Variants in TSC2 observed in about 807,000 individuals in gnomAD.
The protein encoded by TSC2 is TSC complex subunit 2, also known as tuberin.
TSC2 carries 29 observed loss-of-function variants against 202.2 expected under a neutral mutation model. The observed-to-expected ratio is 0.14, with a 90% CI of 0.11 to 0.20. TSC2 has a LOEUF of 0.20. TSC2 is among the 10% of genes least tolerant of loss of function. The pLI, the probability that TSC2 is intolerant of heterozygous loss-of-function variation, is 1.00. For synonymous variants in TSC2, 1,349 were observed against 1,044.0 expected, an observed-to-expected ratio of 1.29 and a Z score of -5.63; for missense variants, 2,429 against 2,420.0, an observed-to-expected ratio of 1.00 and a Z score of -0.08.
In TSC2 at chr16:2,088,927, C is replaced by T; in HGVS notation, c.*317C>T. On this transcript the variant is annotated 3_prime_UTR_variant, in exon 42 of 42. Coordinates refer to ENST00000219476, the MANE Select transcript of TSC2 (RefSeq NM_000548.5). The stretch of plus-strand genomic sequence containing the variant: ...CACCTTCCTCCACCCTGGGAGCCAG[C>T]CCCCAGGAGGAGTCTTTTCCTCTAA... 5.2e-6 allele frequency: 2 copies of T among 385,872 alleles called. No homozygotes were observed. The allele number at this position is 385,872 out of a possible 1,614,324, so 23.9% of individuals were successfully genotyped here.
rs765436350 is a variant in TSC2 at position 2,079,572 on chromosome 16, G to A, written c.3300G>A (p.Val1100=). Residue 1100 remains valine, a synonymous_variant, in exon 29 of 42, where the codon GTG becomes GTA. Transcript: ENST00000219476. The surrounding 1 kb of genome is among the most constrained non-coding windows in gnomAD (Gnocchi z 4.6). ...CTCTTCTCAGCTCCAGCCCCGGGGT[G>A]CATGTGAGACAGACCAAGGAGGCGC... The part of the protein sequence containing the change: ...SGPESSSSPG[V]HVRQTKEAPA... The A allele has an allele frequency of 1.2e-6, 2 of 1,611,234 alleles. No individual in the cohort carries two copies. Among genetic ancestry groups the A allele is most frequent in the Non-Finnish European group, 1.7e-6 (2 of 1,179,372 alleles).
At chr16:2,052,120 G>T (rs928629093) in intron 3 of TSC2, among the ~76,000 whole-genome samples, 2 of 152,026 alleles carry the variant, frequency 1.3e-5, no homozygotes, top group Non-Finnish European at 2.9e-5. Context: ...GTTTGTGTGG[G>T]TACGGGGCAG....
chr16:2,088,790 C>A lies in TSC2; in HGVS notation c.*180C>A. 1 of 827,554 alleles carries A rather than the reference C, an allele frequency of 1.2e-6. No individual in the cohort carries two copies. Among genetic ancestry groups the A allele is most frequent in the Non-Finnish European group, 1.8e-6 (1 of 542,158 alleles). The allele number at this position is 827,554 out of a possible 1,614,324, so 51.3% of individuals were successfully genotyped here. A position where few individuals can be genotyped will look rare whatever the true frequency, so the allele number is the denominator to read the frequency against. ...TGTCGAGGCTCTAGAAGCGGCCATG[C>A]CCACAGAAGTGGTACACAGAAGCAG... On this transcript the variant is annotated 3_prime_UTR_variant, in exon 42 of 42. Coordinates refer to ENST00000219476, the MANE Select transcript of TSC2 (RefSeq NM_000548.5).
chr16:2,055,358 T>TGTA, intron 5 of TSC2, 44 bp from the exon 6 acceptor site: 1 of 1,495,340 alleles, frequency 6.7e-7, no homozygotes, highest in Non-Finnish European at 9.3e-7. Context: ...GAGTGGGAGA[T>TGTA]GTAGATTCGG....
intron 22 of TSC2, among the ~76,000 whole-genome samples, 159 bp from the exon 23 acceptor site, chr16:2,075,640 C>G (rs574469864): frequency 2.4e-4 from 37 of 152,126 alleles, no homozygotes; most frequent in African/African-American, 8.4e-4. Context: ...GCCATGGGAC[C>G]GAGAGTTGAG....
In TSC2 at chr16:2,088,215, C is replaced by G. The variant is rs1555440351; in HGVS notation, c.5161-12C>G. On this transcript the variant is annotated splice_polypyrimidine_tract_variant and intron_variant, in intron 40 of 41. Coordinates refer to ENST00000219476, the MANE Select transcript of TSC2 (RefSeq NM_000548.5). ...ACCTGATAGTGAGCTCACCCCCTGC[C>G]TACGTCCCCAGATGGCCTCACAGGT... 18 of 1,613,030 alleles carry G rather than the reference C, an allele frequency of 1.1e-5. No homozygotes were observed. Among genetic ancestry groups the G allele is most frequent in the Non-Finnish European group, 1.5e-5 (18 of 1,179,992 alleles).
chr16:2,048,464 G>C lies in TSC2; in HGVS notation c.-29-123G>C, dbSNP rs1021997133. 1.5e-5 allele frequency: 19 copies of C among 1,249,348 alleles called. No homozygotes were observed. The African/African-American group carries it at 2.8e-4, about 19-fold the overall frequency. 77.4% of individuals were successfully genotyped at this position (1,249,348 alleles called of 1,614,324 possible). ...GCTGGGCTGTAGTTGAGTTCTCCCA[G>C]GGAGTGTGGGAGGAAAGGTTATGCC... On this transcript the variant is annotated intron_variant, in intron 1 of 41. Coordinates refer to ENST00000219476, the MANE Select transcript of TSC2 (RefSeq NM_000548.5).
intron 11 of TSC2, chr16:2,061,204 G>A (rs2086595603): frequency 2.9e-6 from 1 of 340,920 alleles, no homozygotes; most frequent in Admixed American, 4.0e-5. Flanking sequence ...CAGCTTTAAG[G>A]AGGACTCCAC....
rs397515264 is a variant in TSC2 at position 2,084,364 on chromosome 16, C to A, written c.4142C>A (p.Pro1381His). 3 of 1,612,542 alleles carry A rather than the reference C, an allele frequency of 1.9e-6. No homozygotes were observed. The highest frequency in any genetic ancestry group is 2.5e-6 in the Non-Finnish European group (3 of 1,179,984). The part of the protein sequence containing the change: ...SVDLSFQPSQ[P>H]LSKSSSSPEL... Reference sequence around the variant, plus strand: ...GACCTCTCCTTCCAGCCCTCGCAGCCCCTGAGCAAGTCCAGCTCCTCTCCC... The same window carrying A: ...GACCTCTCCTTCCAGCCCTCGCAGCACCTGAGCAAGTCCAGCTCCTCTCCC... Residue 1381 changes from proline to histidine, a missense_variant, in exon 34 of 42, where the codon CCC becomes CAC. Physicochemically the swap from Pro to His is moderately conservative, Grantham distance 77. Coordinates refer to ENST00000219476, the MANE Select transcript of TSC2 (RefSeq NM_000548.5).
At chr16:2,075,962 G>C in intron 23 of TSC2, 70 bp downstream of exon 23, 1 of 1,611,764 alleles carries the variant, frequency 6.2e-7, no homozygotes, top group Non-Finnish European at 8.5e-7. Context: ...AGAAAGCCCC[G>C]GCAGCCTTTG....
chr16:2,073,956 A>T (rs1484650906), intron 21 of TSC2, among the ~76,000 whole-genome samples: 2 of 152,250 alleles, frequency 1.3e-5, no homozygotes, highest in Non-Finnish European at 2.9e-5. Context: ...GAACCAGGGG[A>T]TGAGAGCCCA....
At chr16:2,072,461 T>C (rs2151321691) in intron 20 of TSC2, 98 bp downstream of exon 20, 1 of 1,543,680 alleles carries the variant, frequency 6.5e-7, no homozygotes, top group Non-Finnish European at 8.8e-7. Flanking sequence ...CCCTTCGGGC[T>C]CGGGCTCCAT....
rs550001058 is a variant in TSC2 at position 2,088,713 on chromosome 16, G to A, written c.*103G>A. On this transcript the variant is annotated 3_prime_UTR_variant, in exon 42 of 42. Coordinates refer to ENST00000219476, the MANE Select transcript of TSC2 (RefSeq NM_000548.5). ...CACAGACATAGAGGCACAGATTGCA[G>A]TCAGACAGCTCTTTTATTGACTTTG... 1.4e-6 allele frequency: 2 copies of A among 1,436,872 alleles called. No individual in the cohort carries two copies. The highest frequency in any genetic ancestry group is 1.9e-6 in the Non-Finnish European group (2 of 1,066,358). The allele number at this position is 1,436,872 out of a possible 1,614,324, so 89.0% of individuals were successfully genotyped here.
Position 2,079,175 on chromosome 16 carries a change from A to G in TSC2, c.3110A>G (p.Asn1037Ser). The G allele has an allele frequency of 6.2e-7, 1 of 1,612,870 alleles. No individual in the cohort carries two copies. The highest frequency in any genetic ancestry group is 8.5e-7 in the Non-Finnish European group (1 of 1,179,998). ...LDMMARYVFS[N>S]FTAVPKRSPV... The stretch of plus-strand genomic sequence containing the variant: ...ATGATGGCTCGATACGTCTTCTCCA[A>G]CTTCACGGCTGTCCCGAAGAGGTCC... Residue 1037 changes from asparagine (N) to serine (S), a missense_variant, in exon 27 of 42, where the codon AAC (asparagine) becomes AGC (serine). Physicochemically the swap from Asn to Ser is conservative, Grantham distance 46. Transcript: ENST00000219476. This position sits in a 1 kb window ranked among gnomAD's most constrained non-coding sequence, Gnocchi z 4.6.
Position 2,060,607 on chromosome 16 carries a change from G to A in TSC2, c.976-63G>A, listed in dbSNP as rs12927333. The A allele has an allele frequency of 0.062, 99,737 of 1,612,110 alleles. 3,481 individuals are homozygous for A. Among genetic ancestry groups the A allele is most frequent in the Middle Eastern group, 0.1 (607 of 6,000 alleles). On this transcript the variant is annotated intron_variant, in intron 10 of 41. Transcript: ENST00000219476. ...CTACTCTCGGTCCCAAGGGTGACTG[G>A]GAGGGCGTCCCACAGCAAGCAAGCA...
intron 11 of TSC2, chr16:2,061,150 T>C (rs1440431760): frequency 2.5e-6 from 1 of 401,480 alleles, no homozygotes; most frequent in East Asian, 5.3e-5. Context: ...CAGTGTGGCT[T>C]CCGCATGACT....
chr16:2,070,299 GGAGA>G (rs144616711), intron 16 of TSC2, among the ~76,000 whole-genome samples, 153 bp from the exon 17 acceptor site: 1 of 152,190 alleles, frequency 6.6e-6, no homozygotes, highest in African/African-American at 2.4e-5. Flanking sequence ...TTGCTGCTGT[GGAGA>G]GAGAGTCCTG....
At chr16:2,078,049 T>G (rs897198729) in intron 26 of TSC2, among the ~76,000 whole-genome samples, 1 of 152,232 alleles carries the variant, frequency 6.6e-6, no homozygotes, top group African/African-American at 2.4e-5. Flanking sequence ...TTTTGGCCTT[T>G]TCGTATTCTC....
At chr16:2,071,735 C>T (rs199995548) in intron 18 of TSC2, 49 bp from the exon 19 acceptor site, 55 of 1,596,820 alleles carry the variant, frequency 3.4e-5, no homozygotes, top group East Asian at 2.5e-4. Context: ...AAGTCTGTTC[C>T]GTTCCTGCTG....
Sources: gnomAD v4.1 joint callset for allele counts (sites outside exome capture counted in the v4.1 genomes callset) on GRCh38, gnomAD v4.1.1 for gene constraint, Gnocchi (gnomAD v3.1) non-coding constraint, MANE v1.5 for transcripts, NCBI Gene and HGNC (gene_info 2026-07-23, HGNC 2026-07-21) for gene names.